BABAM2: variants seen among roughly 807,000 people sequenced by gnomAD.
The protein encoded by BABAM2 is BRISC and BRCA1-A complex member 2.
BABAM2 carries 31 observed loss-of-function variants against 54.7 expected under a neutral mutation model. That is an observed-to-expected ratio of 0.57 (90% confidence interval 0.43 to 0.77). The LOEUF (loss-of-function observed/expected upper bound fraction) is 0.77, where lower values mean the gene tolerates loss of function less well. Ranked by LOEUF, BABAM2 falls within the 30% of genes least tolerant of loss-of-function variation. The pLI is 0.00. For missense variants in BABAM2, 364 were observed against 455.8 expected, an observed-to-expected ratio of 0.80 and a Z score of 1.83; for synonymous variants, 167 against 162.9, an observed-to-expected ratio of 1.03 and a Z score of -0.19.
At chr2:28,103,570 A>T (rs1330865714) in intron 6 of BABAM2, among the ~76,000 whole-genome samples, 1 of 152,114 alleles carries the variant, frequency 6.6e-6, no homozygotes, top group South Asian at 2.1e-4. Flanking sequence ...CAGCCTCCCA[A>T]AGTGTTGGGA....
intron 7 of BABAM2, among the ~76,000 whole-genome samples, chr2:28,233,690 C>G (rs1166178562): frequency 1.3e-5 from 2 of 152,338 alleles, no homozygotes; most frequent in Non-Finnish European, 2.9e-5. Flanking sequence ...AATAAACTCT[C>G]AGTTAAAACT....
intron 7 of BABAM2, among the ~76,000 whole-genome samples, chr2:28,147,309 A>G (rs1023924077): frequency 6.6e-6 from 1 of 152,120 alleles, no homozygotes; most frequent in Non-Finnish European, 1.5e-5. Flanking sequence ...CTTTTACATC[A>G]TTTGCTTAAG....
intron 4 of BABAM2, among the ~76,000 whole-genome samples, chr2:27,998,375 T>G (rs1483382312): frequency 6.6e-6 from 1 of 151,966 alleles, no homozygotes; most frequent in African/African-American, 2.4e-5. Flanking sequence ...TCTATAACCC[T>G]AGATGAGTTA....
chr2:28,118,510 A>G (rs1015219285), intron 6 of BABAM2, among the ~76,000 whole-genome samples: 1 of 152,192 alleles, frequency 6.6e-6, no homozygotes, highest in African/African-American at 2.4e-5. Flanking sequence ...TGGCCAAACA[A>G]ATGCCTTCTT....
chr2:28,046,883 C>T lies in BABAM2; in HGVS notation c.570+1084C>T, dbSNP rs184473783. ...CCCCAAGCTCAAGTGATCCTCCCAC[C>T]TCAGCTTTCTGAGTAACTGGGACTA... On this transcript the variant is annotated intron_variant, in intron 6 of 11. Transcript: ENST00000379624. Among the ~76,000 whole-genome samples the T allele has an allele frequency of 5.7e-3, 865 of 151,724 alleles. 8 individuals carry two copies. The highest frequency in any genetic ancestry group is 0.02 in the African/African-American group (830 of 41,370).
intron 10 of BABAM2, among the ~76,000 whole-genome samples, chr2:28,253,842 T>G: frequency 6.6e-6 from 1 of 152,266 alleles, no homozygotes; most frequent in South Asian, 2.1e-4. Context: ...CAACGGGGCA[T>G]TAAGCTGGAG....
At chr2:28,156,134 G>A (rs1205256577) in intron 7 of BABAM2, among the ~76,000 whole-genome samples, 3 of 152,160 alleles carry the variant, frequency 2.0e-5, no homozygotes, top group East Asian at 3.9e-4. Flanking sequence ...CCAGAGTTAA[G>A]AGAGTTAGTG....
At chr2:28,296,966 G>T (rs1377503771) in intron 10 of BABAM2, among the ~76,000 whole-genome samples, 1 of 152,180 alleles carries the variant, frequency 6.6e-6, no homozygotes, top group Non-Finnish European at 1.5e-5. Flanking sequence ...GGGATTACAG[G>T]TGTGAGCCAC....
intron 7 of BABAM2, among the ~76,000 whole-genome samples, chr2:28,199,436 A>G (rs879527035): frequency 6.6e-6 from 1 of 152,232 alleles, no homozygotes; most frequent in African/African-American, 2.4e-5. Flanking sequence ...AATTTTAAAA[A>G]TTCATAAATG....
intron 11 of BABAM2, among the ~76,000 whole-genome samples, chr2:28,324,207 A>T (rs1193078429): frequency 6.6e-6 from 1 of 152,196 alleles, no homozygotes; most frequent in Admixed American, 6.5e-5. Flanking sequence ...GGAGACTAAA[A>T]TACAGCCACA....
Position 28,338,707 on chromosome 2 carries a change from G to A in BABAM2, c.*194G>A, listed in dbSNP as rs964371220. ...TGGCTGGTGGTCCCTGGATCCTAGA[G>A]CCCTTCACTTCGGGTTACTCCCTCT... On this transcript the variant is annotated 3_prime_UTR_variant, in exon 12 of 12. Coordinates refer to ENST00000379624, the MANE Select transcript of BABAM2 (RefSeq NM_199191.3). 2 of 585,196 alleles carry A rather than the reference G, an allele frequency of 3.4e-6. No homozygotes were observed. Among genetic ancestry groups the A allele is most frequent in the East Asian group, 2.9e-5 (1 of 34,010 alleles). 36.3% of individuals were successfully genotyped at this position (585,196 alleles called of 1,614,324 possible). A position where few individuals can be genotyped will look rare whatever the true frequency, so the allele number is the denominator to read the frequency against.
At chr2:28,067,645 AT>A (rs1663729104) in intron 6 of BABAM2, among the ~76,000 whole-genome samples, 1 of 152,214 alleles carries the variant, frequency 6.6e-6, no homozygotes, top group South Asian at 2.1e-4. Context: ...ATCAGTACAC[AT>A]TAAAGAGTCA....
chr2:28,005,065 T>C (rs1673860989), intron 4 of BABAM2, among the ~76,000 whole-genome samples: 1 of 152,204 alleles, frequency 6.6e-6, no homozygotes, highest in African/African-American at 2.4e-5. Context: ...TCAGTAAATC[T>C]ATACAGATTA....
In BABAM2 at chr2:28,251,445, C is replaced by G. The variant is rs545266784; in HGVS notation, c.934+6583C>G. Among the ~76,000 whole-genome samples the G allele has an allele frequency of 4.0e-4, 61 of 152,296 alleles. 1 individual carries two copies. The highest frequency in any genetic ancestry group is 1.2e-3 in the Admixed American group (19 of 15,290). ...TGCCGAGCTCTGATTTTGTCAGGCT[C>G]TCCAATTCCTGGTATAACCAAGGAA... On this transcript the variant is annotated intron_variant, in intron 10 of 11. Transcript: ENST00000379624.
At chr2:28,012,727 T>C (rs980572177) in intron 4 of BABAM2, among the ~76,000 whole-genome samples, 6 of 152,230 alleles carry the variant, frequency 3.9e-5, no homozygotes, top group African/African-American at 1.4e-4. Context: ...CTCTGCGTGG[T>C]TACAGTTTTA....
intron 4 of BABAM2, among the ~76,000 whole-genome samples, chr2:27,996,796 C>T (rs960513072): frequency 6.6e-6 from 1 of 152,120 alleles, no homozygotes; most frequent in African/African-American, 2.4e-5. Flanking sequence ...ACATCAGCTC[C>T]TCTCCTTGAG....
chr2:27,939,013 A>G (rs1050856924), intron 3 of BABAM2, among the ~76,000 whole-genome samples: 1 of 151,972 alleles, frequency 6.6e-6, no homozygotes, highest in Non-Finnish European at 1.5e-5. Context: ...AGTGCAATGT[A>G]GCAATCTCGG....
At chr2:28,095,552 C>T (rs1208488759) in intron 6 of BABAM2, among the ~76,000 whole-genome samples, 3 of 152,126 alleles carry the variant, frequency 2.0e-5, no homozygotes, top group East Asian at 1.9e-4. Context: ...CCATCTCACA[C>T]CTTTACACTC....
At chr2:28,196,535 T>G (rs1428766647) in intron 7 of BABAM2, among the ~76,000 whole-genome samples, 1 of 151,736 alleles carries the variant, frequency 6.6e-6, no homozygotes, top group African/African-American at 2.4e-5. Flanking sequence ...GACACACCAG[T>G]TTATCAATGA....
Sources: gnomAD v4.1 joint callset for allele counts (sites outside exome capture counted in the v4.1 genomes callset) on GRCh38, gnomAD v4.1.1 for gene constraint, MANE v1.5 for transcripts, NCBI Gene and HGNC (gene_info 2026-07-23, HGNC 2026-07-21) for gene names.